The following LUZP2 variants were observed in gnomAD, a reference collection of about 807,000 sequenced individuals.
LUZP2 encodes leucine zipper protein 2.
Under a neutral mutation model 51.6 loss-of-function variants are expected in LUZP2, and 52 were observed. The observed-to-expected ratio is 1.01, with a 90% confidence interval of 0.81 to 1.27. The LOEUF (loss-of-function observed/expected upper bound fraction) is 1.27, where lower values mean the gene tolerates loss of function less well. Ranked by LOEUF, LUZP2 falls within the 50% of genes most tolerant of loss-of-function variation. The pLI, the probability that LUZP2 is intolerant of heterozygous loss-of-function variation, is 0.00. For synonymous variants in LUZP2, 154 were observed against 137.3 expected, an observed-to-expected ratio of 1.12 and a Z score of -0.85; for missense variants, 436 against 395.4, an observed-to-expected ratio of 1.10 and a Z score of -0.87.
At chr11:24,905,819 A>T (rs530612229) in intron 5 of LUZP2, among the ~76,000 whole-genome samples, 172 bp from the exon 6 acceptor site, 32 of 152,240 alleles carry the variant, frequency 2.1e-4, no homozygotes, top group Non-Finnish European at 7.3e-5. Flanking sequence ...TAATTGAATA[A>T]AAAACAATCT....
chr11:24,738,425 G>A (rs1313175103), intron 4 of LUZP2, 123 bp downstream of exon 4: 7 of 676,914 alleles, frequency 1.0e-5, no homozygotes, highest in Admixed American at 2.7e-5. Flanking sequence ...AATAAAAGAA[G>A]CATCAGTCAA....
At chr11:24,788,050 T>G (rs1267311418) in intron 5 of LUZP2, among the ~76,000 whole-genome samples, 2 of 150,936 alleles carry the variant, frequency 1.3e-5, no homozygotes, top group Admixed American at 6.7e-5. Context: ...TGCTGACCCA[T>G]GTCTACTTAA....
chr11:24,664,688 G>A (rs1041194374), intron 1 of LUZP2, among the ~76,000 whole-genome samples: 2 of 152,140 alleles, frequency 1.3e-5, no homozygotes, highest in African/African-American at 2.4e-5. Context: ...CCAACATACA[G>A]CTTACATCAT....
chr11:24,999,537 G>T (rs1257064846), intron 9 of LUZP2, among the ~76,000 whole-genome samples: 1 of 151,896 alleles, frequency 6.6e-6, no homozygotes, highest in East Asian at 1.9e-4. Context: ...ATGAGAAGGA[G>T]TGGTAACACT....
chr11:24,852,061 G>C (rs910512767), intron 5 of LUZP2, among the ~76,000 whole-genome samples: 7 of 151,990 alleles, frequency 4.6e-5, no homozygotes, highest in African/African-American at 1.7e-4. Flanking sequence ...TTCAAAACCA[G>C]CTTCTGGATT....
intron 9 of LUZP2, among the ~76,000 whole-genome samples, chr11:25,040,342 G>GTTTTTTTTTTTTTTTTTTTTTTTTTT (rs1491549909): frequency 2.9e-5 from 1 of 34,026 alleles, no homozygotes; most frequent in African/African-American, 3.4e-4. Context: ...CTTTCTTTCC[G>GTTTTTTTTTTTTTTTTTTTTTTTTTT]ATTTTTTTTT....
At chr11:24,752,949 C>T (rs1186321267) in intron 4 of LUZP2, among the ~76,000 whole-genome samples, 2 of 151,734 alleles carry the variant, frequency 1.3e-5, no homozygotes, top group African/African-American at 4.8e-5. Context: ...GCATATGTAA[C>T]ATAAGCAAGA....
intron 1 of LUZP2, among the ~76,000 whole-genome samples, chr11:24,531,943 T>C (rs768078966): frequency 6.6e-6 from 1 of 150,862 alleles, no homozygotes; most frequent in Non-Finnish European, 1.5e-5. Context: ...CCAATACATA[T>C]AGTTCTCTTA....
chr11:24,942,009 A>G (rs1230230447), intron 7 of LUZP2, among the ~76,000 whole-genome samples: 1 of 152,100 alleles, frequency 6.6e-6, no homozygotes, highest in East Asian at 1.9e-4. Flanking sequence ...TTAGCATAAT[A>G]TGCTTGAGTT....
At chr11:24,740,242 A>G (rs902035667) in intron 4 of LUZP2, among the ~76,000 whole-genome samples, 10 of 152,174 alleles carry the variant, frequency 6.6e-5, no homozygotes, top group Admixed American at 5.9e-4. Flanking sequence ...TAAGGCATGA[A>G]CTCATAATTA....
At chr11:24,502,046 C>G (rs907202331) in intron 1 of LUZP2, among the ~76,000 whole-genome samples, 2 of 151,846 alleles carry the variant, frequency 1.3e-5, no homozygotes, top group African/African-American at 4.9e-5. Context: ...ACAGACCTCC[C>G]CATAACACCT....
At chr11:24,713,857 T>A (rs1857936745) in intron 1 of LUZP2, among the ~76,000 whole-genome samples, 1 of 85,454 alleles carries the variant, frequency 1.2e-5, no homozygotes, top group African/African-American at 3.3e-5. Context: ...CCTGGCCATT[T>A]TTTTTTTTTT....
chr11:24,534,140 C>A (rs558980356), intron 1 of LUZP2, among the ~76,000 whole-genome samples: 94 of 151,018 alleles, frequency 6.2e-4, no homozygotes, highest in African/African-American at 2.2e-3. Context: ...TAATGCCAGG[C>A]GAGTGTTGGA....
At chr11:24,964,634 C>G (rs1366742142) in intron 7 of LUZP2, among the ~76,000 whole-genome samples, 1 of 152,058 alleles carries the variant, frequency 6.6e-6, no homozygotes, top group Non-Finnish European at 1.5e-5. Context: ...GTATATTATA[C>G]TATGTGGCTA....
intron 1 of LUZP2, 89 bp from the exon 2 acceptor site, chr11:24,729,080 A>G (rs1442467172): frequency 1.8e-6 from 1 of 566,140 alleles, no homozygotes; most frequent in African/African-American, 1.9e-5. Flanking sequence ...ACTTCTCTAG[A>G]TTTCACTGAA....
intron 1 of LUZP2, among the ~76,000 whole-genome samples, chr11:24,645,297 G>A (rs1277040354): frequency 3.9e-5 from 6 of 152,144 alleles, no homozygotes; most frequent in Non-Finnish European, 7.4e-5. Context: ...GAGAGAAAGA[G>A]AGTTTTATGT....
chr11:24,742,947 G>A (rs964497363), intron 4 of LUZP2, among the ~76,000 whole-genome samples: 1 of 151,974 alleles, frequency 6.6e-6, no homozygotes, highest in African/African-American at 2.4e-5. Context: ...TGTTGAAAAG[G>A]GTGTCCTTTC....
intron 4 of LUZP2, among the ~76,000 whole-genome samples, chr11:24,750,846 T>C (rs1200362720): frequency 2.0e-5 from 3 of 152,282 alleles, no homozygotes; most frequent in African/African-American, 7.2e-5. Flanking sequence ...AAAAGATAAG[T>C]GACATATACT....
chr11:24,508,803 T>G (rs1285110257), intron 1 of LUZP2, among the ~76,000 whole-genome samples: 3 of 152,172 alleles, frequency 2.0e-5, no homozygotes, highest in Non-Finnish European at 4.4e-5. Context: ...TTTCAGTGCC[T>G]TATGAAGTGC....
Sources: gnomAD v4.1 joint callset for allele counts (sites outside exome capture counted in the v4.1 genomes callset) on GRCh38, gnomAD v4.1.1 for gene constraint, MANE v1.5 for transcripts, NCBI Gene and HGNC (gene_info 2026-07-23, HGNC 2026-07-21) for gene names.